Variants in ZNF138 observed in about 807,000 individuals in gnomAD.
ZNF138 encodes the protein zinc finger protein 138 (clone pHZ-32).
ZNF138 carries 33 observed loss-of-function variants against 33.0 expected under a neutral mutation model. The observed-to-expected ratio is 1.00, with a 90% CI of 0.76 to 1.34. The LOEUF (loss-of-function observed/expected upper bound fraction) is 1.34. Among genes scored for constraint, ZNF138 ranks in the 40% most tolerant of loss-of-function variants. The pLI is 0.00. For missense variants in ZNF138, 360 were observed against 370.8 expected, an observed-to-expected ratio of 0.97 and a Z score of 0.24; for synonymous variants, 139 against 120.4, an observed-to-expected ratio of 1.15 and a Z score of -1.01.
the ZNF138 span, among the ~76,000 whole-genome samples, chr7:64,847,053 G>A: frequency 6.6e-6 from 1 of 152,166 alleles, no homozygotes; most frequent in South Asian, 2.1e-4. Flanking sequence ...TTTATGTGGT[G>A]TATCACATTT....
At chr7:64,846,789 G>A in the ZNF138 span, among the ~76,000 whole-genome samples, 2 of 152,114 alleles carry the variant, frequency 1.3e-5, no homozygotes, top group African/African-American at 4.8e-5. Flanking sequence ...AGGACTTTCA[G>A]TACTATGTTG....
the ZNF138 span, chr7:64,852,638 A>G: frequency 9.0e-6 from 13 of 1,441,030 alleles, no homozygotes; most frequent in African/African-American, 8.4e-5. Context: ...CATGTTCATC[A>G]TCACCTCCTC....
rs563669516 is a variant in ZNF138, at chr7:64,808,185, T to C, written c.4-6733T>C. ...TGACAAGAGTGGTTAATTCTGCGTC[T>C]GTCTCAGTGTAAGAGAAATGAGTCA... On this transcript the variant is annotated intron_variant, in intron 1 of 3. Coordinates refer to ENST00000307355, the MANE Select transcript of ZNF138 (RefSeq NM_001271639.2). Among the ~76,000 whole-genome samples the C allele has an allele frequency of 4.6e-5, 7 of 152,322 alleles. No homozygotes were observed. The South Asian group carries it at 1.4e-3, about 32-fold the overall frequency.
the ZNF138 span, chr7:64,853,122 G>T: frequency 7.0e-7 from 1 of 1,436,778 alleles, no homozygotes; most frequent in Non-Finnish European, 9.8e-7. Context: ...ACCAAGGAAA[G>T]CCCACCGTGT....
chr7:64,825,164 T>C (rs1789477869), intron 3 of ZNF138, among the ~76,000 whole-genome samples: 3 of 79,272 alleles, frequency 3.8e-5, no homozygotes, highest in Admixed American at 1.4e-4. Flanking sequence ...CTTTTTTTTT[T>C]TTTTTTTTTT....
chr7:64,824,148 G>C (rs1253490402), intron 3 of ZNF138, among the ~76,000 whole-genome samples: 2 of 152,102 alleles, frequency 1.3e-5, no homozygotes, highest in Non-Finnish European at 2.9e-5. Flanking sequence ...GTGGGACCTA[G>C]GGAAGTGTTT....
chr7:64,810,277 G>A lies in ZNF138; in HGVS notation c.4-4641G>A, dbSNP rs577870184. Among the ~76,000 whole-genome samples the A allele has an allele frequency of 2.8e-4, 42 of 150,910 alleles. No individual in the cohort carries two copies. In the East Asian group the frequency reaches 8.1e-3, roughly 29 times the overall value. On this transcript the variant is annotated intron_variant, in intron 1 of 3. Transcript: ENST00000307355. ...TGGAGACTGGCCTGGCCGACACAGC[G>A]AAACCCCGTCTCCACCAAAACCAGT...
At chr7:64,805,050 C>T (rs975163513) in intron 1 of ZNF138, among the ~76,000 whole-genome samples, 1 of 152,136 alleles carries the variant, frequency 6.6e-6, no homozygotes, top group African/African-American at 2.4e-5. Context: ...GGAGCTATCC[C>T]TATCTGGACT....
At chr7:64,812,385 C>T (rs1000210284) in intron 1 of ZNF138, among the ~76,000 whole-genome samples, 10 of 152,164 alleles carry the variant, frequency 6.6e-5, no homozygotes, top group Non-Finnish European at 1.0e-4. Flanking sequence ...GTCTTGAAAT[C>T]CTGGCCTCAA....
chr7:64,807,967 T>C (rs1787747400), intron 1 of ZNF138, among the ~76,000 whole-genome samples: 1 of 152,216 alleles, frequency 6.6e-6, no homozygotes, highest in South Asian at 2.1e-4. Flanking sequence ...ACGCAAGAGC[T>C]AGCCAATCAA....
intron 1 of ZNF138, among the ~76,000 whole-genome samples, chr7:64,809,690 C>T (rs1583815645): frequency 6.7e-6 from 1 of 148,208 alleles, no homozygotes; most frequent in Non-Finnish European, 1.5e-5. Flanking sequence ...AGGGGCTCCT[C>T]ACTTCTCAGA....
At chr7:64,826,423 G>C (rs1470761434) in intron 3 of ZNF138, among the ~76,000 whole-genome samples, 1 of 152,030 alleles carries the variant, frequency 6.6e-6, no homozygotes, top group Non-Finnish European at 1.5e-5. Context: ...GGGATTACAG[G>C]CATGCACCAC....
intron 3 of ZNF138, chr7:64,831,219 C>T: frequency 8.2e-7 from 1 of 1,223,084 alleles, no homozygotes; most frequent in Non-Finnish European, 1.1e-6. Context: ...CTGTGTGGCT[C>T]TTTGCATTGT....
intron 3 of ZNF138, among the ~76,000 whole-genome samples, chr7:64,823,874 G>T (rs973235919): frequency 2.5e-4 from 38 of 152,182 alleles, no homozygotes; most frequent in African/African-American, 8.0e-4. Flanking sequence ...GGAAGCAGAG[G>T]TTGCAGTGAG....
At position 64,794,457 on chromosome 7, in the gene ZNF138, G is replaced by T. The variant is rs1786521739; in HGVS notation, c.-112G>T. 6.6e-7 allele frequency: 1 copy of T among 1,512,232 alleles called. No individual in the cohort carries two copies. 93.7% of individuals were successfully genotyped at this position (1,512,232 alleles called of 1,614,324 possible). A position where few individuals can be genotyped will look rare whatever the true frequency, so the allele number is the denominator to read the frequency against. On this transcript the variant is annotated 5_prime_UTR_variant, in exon 1 of 4. Coordinates refer to ENST00000307355, the MANE Select transcript of ZNF138 (RefSeq NM_001271639.2). The stretch of plus-strand genomic sequence containing the variant: ...CGCTGCAGCGGGTGCTGCAGGTCTG[G>T]CCTTCACTTTTCTGCGTCCTCTTAC...
In ZNF138 at chr7:64,832,471, A is replaced by G; in HGVS notation, c.*269A>G. The G allele has an allele frequency of 1.5e-6, 2 of 1,308,426 alleles. No homozygotes were observed. Among genetic ancestry groups the G allele is most frequent in the Non-Finnish European group, 2.0e-6 (2 of 988,796 alleles). The allele number at this position is 1,308,426 out of a possible 1,614,324, so 81.1% of individuals were successfully genotyped here. On this transcript the variant is annotated 3_prime_UTR_variant, in exon 4 of 4. Transcript: ENST00000307355. ...CGATACTCAATCCTTAGTACACATA[A>G]GAAAATTCATACTGGGGAGAAACCC...
Position 64,813,018 on chromosome 7 carries a change from A to G in ZNF138, c.4-1900A>G, listed in dbSNP as rs369997785. Among the ~76,000 whole-genome samples, 351 of 152,156 alleles carry G rather than the reference A, an allele frequency of 2.3e-3. 12 individuals carry two copies. In the South Asian group the frequency reaches 0.071, roughly 31 times the overall value. On this transcript the variant is annotated intron_variant, in intron 1 of 3. Transcript: ENST00000307355. Reference sequence around the variant, plus strand: ...CTTTTAAAAATTCTTATGATAGTCAAGGGTCTCTGAAAAAAAATGTTTTTT... The same window carrying G: ...CTTTTAAAAATTCTTATGATAGTCAGGGGTCTCTGAAAAAAAATGTTTTTT...
In ZNF138 at chr7:64,832,641, A is replaced by G. The variant is rs1583907251; in HGVS notation, c.*439A>G. On this transcript the variant is annotated 3_prime_UTR_variant, in exon 4 of 4. Transcript: ENST00000307355. ...GTCCTCACACCTTATGAGACATAAG[A>G]AAATTCATAGTAAAGAGAAACCCTA... 2.2e-6 allele frequency: 1 copy of G among 460,616 alleles called. No individual in the cohort carries two copies. The highest frequency in any genetic ancestry group is 5.6e-5 in the East Asian group (1 of 17,920). The allele number at this position is 460,616 out of a possible 1,614,324, so 28.5% of individuals were successfully genotyped here.
chr7:64,814,883 A>ATG (rs145311960), intron 1 of ZNF138, 35 bp from the exon 2 acceptor site: 155 of 1,562,488 alleles, frequency 9.9e-5, no homozygotes, highest in Middle Eastern at 1.7e-4. Context: ...TACTTGGTTA[A>ATG]TGTGTGTGTG....
Sources: gnomAD v4.1 joint callset for allele counts (sites outside exome capture counted in the v4.1 genomes callset) on GRCh38, gnomAD v4.1.1 for gene constraint, MANE v1.5 for transcripts, NCBI Gene and HGNC (gene_info 2026-07-23, HGNC 2026-07-21) for gene names.